The following TTC7B variants were observed in gnomAD, a reference collection of about 807,000 sequenced individuals.
TTC7B encodes tetratricopeptide repeat protein 7B.
In TTC7B, 28 loss-of-function variants were observed where a neutral mutation model predicts 106.8. That is an observed-to-expected ratio of 0.26 (90% CI 0.19 to 0.36). The LOEUF (loss-of-function observed/expected upper bound fraction) is 0.36, where lower values mean the gene tolerates loss of function less well. TTC7B is among the 10% of genes least tolerant of loss of function. TTC7B has a pLI of 1.00. For synonymous variants in TTC7B, 405 were observed against 430.6 expected, an observed-to-expected ratio of 0.94 and a Z score of 0.74; for missense variants, 862 against 1,076.4, an observed-to-expected ratio of 0.80 and a Z score of 2.79.
intron 7 of TTC7B, among the ~76,000 whole-genome samples, chr14:90,685,225 G>A (rs192217650): frequency 6.4e-4 from 97 of 152,248 alleles, no homozygotes; most frequent in Non-Finnish European, 1.3e-3. Context: ...CTTCTCATAA[G>A]AGACTGTGGA....
chr14:90,574,118 C>T (rs1429342818), intron 19 of TTC7B, among the ~76,000 whole-genome samples: 5 of 152,210 alleles, frequency 3.3e-5, no homozygotes. Flanking sequence ...CCACCATGAG[C>T]CATGCTTCTC....
intron 19 of TTC7B, among the ~76,000 whole-genome samples, chr14:90,545,021 G>A (rs778048860): frequency 6.6e-6 from 1 of 152,210 alleles, no homozygotes; most frequent in South Asian, 2.1e-4. Flanking sequence ...TGGGCACCAC[G>A]CTAGGCACTG....
chr14:90,708,566 A>T (rs1364381785), intron 5 of TTC7B, among the ~76,000 whole-genome samples: 2 of 152,232 alleles, frequency 1.3e-5, no homozygotes, highest in Non-Finnish European at 2.9e-5. Flanking sequence ...TTTGAAGCCC[A>T]CTGTTCAGAT....
rs1362622031 is a variant in TTC7B, at chr14:90,622,450, C to A, written c.1752-4405G>T. On this transcript the variant is annotated intron_variant, in intron 15 of 19. Coordinates refer to ENST00000328459, the MANE Select transcript of TTC7B (RefSeq NM_001010854.2). ...CTAATTTAAAAAATTTATATATTAGCCAGGCATGGTGGCTTAAGCCTGTAA... is the reference window on the plus strand; with the variant it reads ...CTAATTTAAAAAATTTATATATTAGACAGGCATGGTGGCTTAAGCCTGTAA... Among the ~76,000 whole-genome samples, 4 of 151,778 alleles carry A rather than the reference C, an allele frequency of 2.6e-5. 1 individual carries two copies. The East Asian group carries it at 7.9e-4, about 30-fold the overall frequency.
chr14:90,689,726 C>T lies in TTC7B; in HGVS notation c.778-14G>A, dbSNP rs868829285. 3.1e-6 allele frequency: 5 copies of T among 1,612,754 alleles called. No individual in the cohort carries two copies. The highest frequency in any genetic ancestry group is 1.7e-5 in the Admixed American group (1 of 59,788). On this transcript the variant is annotated splice_polypyrimidine_tract_variant and intron_variant, in intron 6 of 19. Transcript: ENST00000328459. Reference sequence around the variant, plus strand: ...CCTGGCTATTGTCTGGGAACATAAACGAGGAAAAGCATAGCCATGAATCTA... The same window carrying T: ...CCTGGCTATTGTCTGGGAACATAAATGAGGAAAAGCATAGCCATGAATCTA...
intron 18 of TTC7B, among the ~76,000 whole-genome samples, chr14:90,579,007 T>C (rs1891376000): frequency 6.6e-6 from 1 of 152,226 alleles, no homozygotes; most frequent in Admixed American, 6.5e-5. Context: ...CACCTCCATG[T>C]GGAGCCAAAC....
chr14:90,754,544 GTTTA>G, intron 3 of TTC7B, among the ~76,000 whole-genome samples: 2 of 152,192 alleles, frequency 1.3e-5, no homozygotes, highest in South Asian at 4.1e-4. Flanking sequence ...AATTGTATTT[GTTTA>G]TTATATTACT....
At chr14:90,671,408 G>A (rs955333301) in intron 9 of TTC7B, among the ~76,000 whole-genome samples, 4 of 152,152 alleles carry the variant, frequency 2.6e-5, no homozygotes, top group African/African-American at 9.7e-5. Flanking sequence ...GCCTATGGAG[G>A]GGGGACACAC....
At position 90,786,778 on chromosome 14, in the gene TTC7B, A is replaced by G. The variant is rs1285363274; in HGVS notation, c.122-450T>C. On this transcript the variant is annotated intron_variant, in intron 1 of 19. Coordinates refer to ENST00000328459, the MANE Select transcript of TTC7B (RefSeq NM_001010854.2). The stretch of plus-strand genomic sequence containing the variant: ...GTGTTTTTAGTAAAAACAGGGTTTC[A>G]CCATGTTAGCCAGGCTGGTCTCAAA... Among the ~76,000 whole-genome samples the G allele has an allele frequency of 4.6e-5, 7 of 152,116 alleles. No homozygotes were observed. In the East Asian group the frequency reaches 1.4e-3, roughly 29 times the overall value.
At chr14:90,694,320 T>C (rs1380837680) in intron 6 of TTC7B, among the ~76,000 whole-genome samples, 2 of 151,830 alleles carry the variant, frequency 1.3e-5, no homozygotes, top group Non-Finnish European at 2.9e-5. Context: ...AAACAGAAAG[T>C]AAATTAGTGG....
intron 5 of TTC7B, among the ~76,000 whole-genome samples, chr14:90,729,120 A>C (rs985938889): frequency 2.6e-5 from 4 of 152,228 alleles, no homozygotes; most frequent in African/African-American, 9.6e-5. Flanking sequence ...CCTCTGGACC[A>C]AAGCAGGCCT....
chr14:90,733,066 A>G (rs908189484), intron 4 of TTC7B, among the ~76,000 whole-genome samples: 1 of 152,180 alleles, frequency 6.6e-6, no homozygotes, highest in African/African-American at 2.4e-5. Flanking sequence ...TTACTTACCC[A>G]GTGTCTAGTG....
At chr14:90,675,253 C>T (rs1394777099) in intron 9 of TTC7B, 2 of 152,216 alleles carry the variant, frequency 1.3e-5, no homozygotes, top group African/African-American at 4.8e-5. Flanking sequence ...ATCCTTGAAC[C>T]TAGAGAGGTG....
chr14:90,778,290 G>A (rs1595366829), intron 3 of TTC7B, among the ~76,000 whole-genome samples: 1 of 152,180 alleles, frequency 6.6e-6, no homozygotes, highest in South Asian at 2.1e-4. Context: ...CCTCATGGGC[G>A]GGGTGACCAC....
At chr14:90,569,136 G>T (rs890739717) in intron 19 of TTC7B, among the ~76,000 whole-genome samples, 73 of 152,254 alleles carry the variant, frequency 4.8e-4, no homozygotes, top group Non-Finnish European at 4.1e-4. Flanking sequence ...GACCCGCATG[G>T]TCTCCATATC....
intron 19 of TTC7B, among the ~76,000 whole-genome samples, chr14:90,548,911 A>G (rs1204022506): frequency 1.3e-5 from 2 of 152,122 alleles, no homozygotes; most frequent in Non-Finnish European, 2.9e-5. Flanking sequence ...GTGGATCACA[A>G]GGTCAGGAGA....
intron 3 of TTC7B, among the ~76,000 whole-genome samples, chr14:90,779,653 C>A (rs1284469714): frequency 6.6e-6 from 1 of 152,210 alleles, no homozygotes; most frequent in African/African-American, 2.4e-5. Flanking sequence ...CCAGGTACCA[C>A]AATCAATGCT....
intron 4 of TTC7B, among the ~76,000 whole-genome samples, chr14:90,740,432 A>G (rs1449093023): frequency 1.3e-5 from 2 of 152,030 alleles, no homozygotes; most frequent in African/African-American, 4.8e-5. Flanking sequence ...TCAGCACAAG[A>G]AAGGGAAAAG....
chr14:90,593,722 C>G, intron 17 of TTC7B, 96 bp from the exon 18 acceptor site: 1 of 1,217,748 alleles, frequency 8.2e-7, no homozygotes, highest in East Asian at 2.7e-5. Context: ...ACACACACAC[C>G]CCTTCCCCCA....
Sources: gnomAD v4.1 joint callset for allele counts (sites outside exome capture counted in the v4.1 genomes callset) on GRCh38, gnomAD v4.1.1 for gene constraint, MANE v1.5 for transcripts, NCBI Gene and HGNC (gene_info 2026-07-23, HGNC 2026-07-21) for gene names.